The following SIDT2 variants were observed in gnomAD, a reference collection of about 807,000 sequenced individuals.
The protein encoded by SIDT2 is SID1 transmembrane family, member 2.
A neutral mutation model predicts 114.4 loss-of-function variants in SIDT2; 68 were observed. The ratio of observed to expected loss-of-function variants is 0.59; its 90% confidence interval spans 0.49 to 0.73. The LOEUF (loss-of-function observed/expected upper bound fraction) is 0.73, where lower values mean the gene tolerates loss of function less well. Among genes scored for constraint, SIDT2 ranks in the 30% least tolerant of loss-of-function variants. The pLI is 0.00. For synonymous variants in SIDT2, 470 were observed against 438.4 expected, an observed-to-expected ratio of 1.07 and a Z score of -0.90; for missense variants, 918 against 1,097.1, an observed-to-expected ratio of 0.84 and a Z score of 2.31.
In SIDT2 at chr11:117,192,828, G is replaced by A. The variant is rs1457596487; in HGVS notation, c.2067G>A (p.Met689Ile). The A allele has an allele frequency of 6.2e-7, 1 of 1,614,160 alleles. No individual in the cohort carries two copies. The highest frequency in any genetic ancestry group is 1.1e-5 in the South Asian group (1 of 91,090). The change falls in exon 22 of 26, where the codon ATG becomes ATA. Residue 689 changes from methionine (M) to isoleucine (I), a missense_variant. Around this residue, in one of 4 missense-constraint regions of SIDT2, gnomAD observed 275 missense variants for 397.6 expected, o/e 0.69. Coordinates refer to ENST00000324225, the MANE Select transcript of SIDT2 (RefSeq NM_001040455.2). The surrounding 1 kb of genome is among the most constrained non-coding windows in gnomAD (Gnocchi z 5.9). ...QCSGPLYVDRMVLLVMGNVIN... is the reference protein window; with the variant it reads ...QCSGPLYVDRIVLLVMGNVIN... ...TCCCTGCTTCCCTCCAGGACCGCAT[G>A]GTGCTGCTGGTCATGGGCAACGTCA... is the stretch of plus-strand genomic sequence containing the variant.
chr11:117,186,038 C>T, intron 8 of SIDT2, 92 bp from the exon 9 acceptor site: 1 of 1,016,926 alleles, frequency 9.8e-7, no homozygotes, highest in Non-Finnish European at 1.5e-6. Flanking sequence ...AGAGATTGAG[C>T]TGGGTGGAGG....
Position 117,192,298 on chromosome 11 carries a change from C to G in SIDT2, c.1917C>G (p.Ile639Met), listed in dbSNP as rs762529059. ...CGGCGTTCTGGATCGTCTTCTCCAT[C>G]ATTCACATCATCGCCACCCTGCTCC... ...GNTAFWIVFS[I>M]IHIIATLLLS... The change falls in exon 20 of 26, where the codon ATC (isoleucine) becomes ATG (methionine). Residue 639 changes from isoleucine to methionine, a missense_variant. Physicochemically the swap from Ile to Met is conservative, Grantham distance 10. Around this residue, in one of 4 missense-constraint regions of SIDT2, gnomAD observed 275 missense variants for 397.6 expected, o/e 0.69. Coordinates refer to ENST00000324225, the MANE Select transcript of SIDT2 (RefSeq NM_001040455.2). The surrounding 1 kb of genome is among the most constrained non-coding windows in gnomAD (Gnocchi z 5.9). 4.5e-5 allele frequency: 73 copies of G among 1,612,890 alleles called. No individual in the cohort carries two copies. The highest frequency in any genetic ancestry group is 6.1e-5 in the Non-Finnish European group (72 of 1,178,964).
intron 24 of SIDT2, 133 bp from the exon 25 acceptor site, chr11:117,195,669 G>T: frequency 1.2e-6 from 1 of 845,008 alleles, no homozygotes; most frequent in Non-Finnish European, 1.9e-6. Flanking sequence ...ACAAGGACAA[G>T]GGACAGGTCA....
chr11:117,187,424 T>C lies in SIDT2; in HGVS notation c.1062T>C (p.Tyr354=). ...LADSFPGSSP[Y]EGYNYGSFEN... is the part of the protein sequence containing the mutation. ...ATTCTTTTCCTGGCAGTTCCCCTTA[T>C]GAGGGTTACAACTATGGCTCCTTTG... Residue 354 remains tyrosine (Y), a synonymous_variant, in exon 11 of 26, where the codon TAT becomes TAC. Transcript: ENST00000324225. 2 of 1,614,094 alleles carry C rather than the reference T, an allele frequency of 1.2e-6. No homozygotes were observed. The highest frequency in any genetic ancestry group is 1.3e-5 in the African/African-American group (1 of 75,026).
chr11:117,194,297 G>A, intron 24 of SIDT2: 1 of 184,998 alleles, frequency 5.4e-6, no homozygotes. Flanking sequence ...TGGACGATAG[G>A]CCATGTCTCT....
chr11:117,182,024 G>A (rs376193837), intron 3 of SIDT2, 36 bp from the exon 4 acceptor site: 20 of 1,613,964 alleles, frequency 1.2e-5, no homozygotes, highest in African/African-American at 4.0e-5. Flanking sequence ...CCCAGGCTCC[G>A]GGGGTGACTG....
At chr11:117,193,435 A>G (rs2030774053) in intron 23 of SIDT2, among the ~76,000 whole-genome samples, 177 bp downstream of exon 23, 1 of 152,076 alleles carries the variant, frequency 6.6e-6, no homozygotes, top group Admixed American at 6.5e-5. Flanking sequence ...CCCAAAGACC[A>G]TTTACTGAGC....
At position 117,190,386 on chromosome 11, in the gene SIDT2, T is replaced by G. The variant is rs1356102776; in HGVS notation, c.1617+97T>G. On this transcript the variant is annotated intron_variant, in intron 17 of 25. Transcript: ENST00000324225. This position sits in a 1 kb window ranked among gnomAD's most constrained non-coding sequence, Gnocchi z 4.1. ...CCTTTTGGGCAGGCCTGGCCCTGCC[T>G]TCCCCAGCTCTCCCCTCCCCAGTTC... is the stretch of plus-strand genomic sequence containing the variant. 2.7e-6 allele frequency: 4 copies of G among 1,492,042 alleles called. No homozygotes were observed. The East Asian group carries it at 9.2e-5, about 34-fold the overall frequency. The allele number at this position is 1,492,042 out of a possible 1,614,324, so 92.4% of individuals were successfully genotyped here. A position where few individuals can be genotyped will look rare whatever the true frequency, so the allele number is the denominator to read the frequency against.
chr11:117,182,028 G>T (rs750514266), intron 3 of SIDT2, 32 bp from the exon 4 acceptor site: 3 of 1,613,958 alleles, frequency 1.9e-6, no homozygotes, highest in East Asian at 2.2e-5. Flanking sequence ...GGCTCCGGGG[G>T]TGACTGGTGG....
chr11:117,192,125 T>C lies in SIDT2; in HGVS notation c.1872+111T>C, dbSNP rs2030725073. 1.9e-6 allele frequency: 3 copies of C among 1,557,230 alleles called. No homozygotes were observed. Among genetic ancestry groups the C allele is most frequent in the Non-Finnish European group, 2.6e-6 (3 of 1,140,588 alleles). ...TCCTGCATGAGAGATTCCTGCTCCTTCCCTGAGATGCCTTCCTGGGCCCCT... is the reference window on the plus strand; with the variant it reads ...TCCTGCATGAGAGATTCCTGCTCCTCCCCTGAGATGCCTTCCTGGGCCCCT... On this transcript the variant is annotated intron_variant, in intron 19 of 25. Transcript: ENST00000324225. This position sits in a 1 kb window ranked among gnomAD's most constrained non-coding sequence, Gnocchi z 5.9.
chr11:117,180,849 A>C (rs2030258413), intron 1 of SIDT2, among the ~76,000 whole-genome samples: 1 of 152,130 alleles, frequency 6.6e-6, no homozygotes, highest in Admixed American at 6.5e-5. Context: ...TAGAGGGAGA[A>C]GTTGAGGCTT....
At position 117,189,315 on chromosome 11, in the gene SIDT2, GC is replaced by G; in HGVS notation, c.1353-18del. ...AGCCTTGGGTGCCACCCACCTCACTGCCGCCCTCCTGCTCCGCAGGAACATT... is the reference window on the plus strand; with the variant it reads ...AGCCTTGGGTGCCACCCACCTCACTGCGCCCTCCTGCTCCGCAGGAACATT... On this transcript the variant is annotated intron_variant, in intron 14 of 25. Coordinates refer to ENST00000324225, the MANE Select transcript of SIDT2 (RefSeq NM_001040455.2). 1 of 1,614,196 alleles carries G rather than the reference GC, an allele frequency of 6.2e-7. No individual in the cohort carries two copies. Among genetic ancestry groups the G allele is most frequent in the Non-Finnish European group, 8.5e-7 (1 of 1,180,018 alleles).
intron 15 of SIDT2, 158 bp downstream of exon 15, chr11:117,189,559 C>G (rs908573504): frequency 8.4e-6 from 6 of 718,140 alleles, no homozygotes; most frequent in African/African-American, 7.2e-5. Flanking sequence ...ATCACATAAC[C>G]CCCCCAACCC....
Position 117,190,920 on chromosome 11 carries a change from A to C in SIDT2, c.1735+180A>C. 1 of 580,334 alleles carries C rather than the reference A, an allele frequency of 1.7e-6. No homozygotes were observed. The highest frequency in any genetic ancestry group is 3.1e-6 in the Non-Finnish European group (1 of 323,156). 35.9% of individuals were successfully genotyped at this position (580,334 alleles called of 1,614,324 possible). A position where few individuals can be genotyped will look rare whatever the true frequency, so the allele number is the denominator to read the frequency against. ...AACATGGGCACCTAGATGCTGCTTC[A>C]TTCATCTGTCAAGCTATTCCTATGT... On this transcript the variant is annotated intron_variant, in intron 18 of 25. Coordinates refer to ENST00000324225, the MANE Select transcript of SIDT2 (RefSeq NM_001040455.2). The surrounding 1 kb of genome is among the most constrained non-coding windows in gnomAD (Gnocchi z 4.1).
At chr11:117,179,595 A>G in intron 1 of SIDT2, 149 bp downstream of exon 1, 1 of 729,094 alleles carries the variant, frequency 1.4e-6, no homozygotes, top group South Asian at 2.0e-5. Flanking sequence ...GAGCCTCTTG[A>G]CCAGTCCTCC....
At chr11:117,181,756 C>T in intron 2 of SIDT2, 51 bp from the exon 3 acceptor site, 1 of 1,611,194 alleles carries the variant, frequency 6.2e-7, no homozygotes, top group Non-Finnish European at 8.5e-7. Context: ...TCTGGAGGGG[C>T]AGGCCGGCTG....
intron 10 of SIDT2, chr11:117,187,076 G>A (rs1481780935): frequency 2.0e-6 from 3 of 1,464,408 alleles, no homozygotes; most frequent in South Asian, 2.4e-5. Flanking sequence ...AGGGCTGTCT[G>A]GAGGGCTCGT....
At position 117,180,948 on chromosome 11, in the gene SIDT2, C is replaced by G. The variant is rs7941742; in HGVS notation, c.184-468C>G. Among the ~76,000 whole-genome samples, 1,247 of 152,328 alleles carry G rather than the reference C, an allele frequency of 8.2e-3. 17 individuals are homozygous for G. Among genetic ancestry groups the G allele is most frequent in the African/African-American group, 0.029 (1,214 of 41,566 alleles). On this transcript the variant is annotated intron_variant, in intron 1 of 25. Transcript: ENST00000324225. ...CTTCAATACCTACCCCTCCTCAACT[C>G]CTCTGGGCTCTGGCCCCAGGTTAGC...
At position 117,188,586 on chromosome 11, in the gene SIDT2, G is replaced by A; in HGVS notation, c.1160-122G>A. Reference sequence around the variant, plus strand: ...AGCCCACTTCCACCCCAACTCTGAGGCCCAGCCCACAATTTGCCTCTTCCC... The same window carrying A: ...AGCCCACTTCCACCCCAACTCTGAGACCCAGCCCACAATTTGCCTCTTCCC... On this transcript the variant is annotated intron_variant, in intron 12 of 25. Transcript: ENST00000324225. This position sits in a 1 kb window ranked among gnomAD's most constrained non-coding sequence, Gnocchi z 4.0. 4 of 728,206 alleles carry A rather than the reference G, an allele frequency of 5.5e-6. 1 individual carries two copies. In the South Asian group the frequency reaches 6.6e-5, roughly 12 times the overall value. The allele number at this position is 728,206 out of a possible 1,614,324, so 45.1% of individuals were successfully genotyped here.
Sources: allele counts gnomAD v4.1 joint callset (sites outside exome capture counted in the v4.1 genomes callset), GRCh38; gene constraint gnomAD v4.1.1; regional missense constraint gnomAD v4.1.1; non-coding constraint Gnocchi (gnomAD v3.1); transcripts MANE v1.5; gene names NCBI Gene and HGNC (gene_info 2026-07-23, HGNC 2026-07-21).